The following FAM178B variants were observed in gnomAD, a reference collection of about 807,000 sequenced individuals.
The protein encoded by FAM178B is family with sequence similarity 178 member B, also known as protein FAM178B.
FAM178B carries 82 observed loss-of-function variants against 91.7 expected under a neutral mutation model. The observed-to-expected ratio is 0.89, with a 90% CI of 0.75 to 1.07. The LOEUF (loss-of-function observed/expected upper bound fraction) is 1.07, where lower values mean the gene tolerates loss of function less well. FAM178B is among the 50% of genes least tolerant of loss of function. The pLI, the probability that FAM178B is intolerant of heterozygous loss-of-function variation, is 0.00. For synonymous variants in FAM178B, 368 were observed against 359.4 expected, an observed-to-expected ratio of 1.02 and a Z score of -0.27; for missense variants, 769 against 846.7, an observed-to-expected ratio of 0.91 and a Z score of 1.14.
At chr2:96,891,591 AG>A (rs1303919360) in intron 14 of FAM178B, among the ~76,000 whole-genome samples, 2 of 152,238 alleles carry the variant, frequency 1.3e-5, no homozygotes. Context: ...CTAGCTGGAC[AG>A]GGGGCAAGCA....
At chr2:96,950,712 G>T (rs1258757180) in intron 7 of FAM178B, among the ~76,000 whole-genome samples, 1 of 152,162 alleles carries the variant, frequency 6.6e-6, no homozygotes, top group Non-Finnish European at 1.5e-5. Context: ...CTGTGCAAAG[G>T]TGTCAAGCCC....
At chr2:96,919,230 A>C (rs1044041991) in intron 12 of FAM178B, among the ~76,000 whole-genome samples, 1 of 152,208 alleles carries the variant, frequency 6.6e-6, no homozygotes, top group Non-Finnish European at 1.5e-5. Flanking sequence ...TGAGAAAAAC[A>C]ACCACAAACA....
At chr2:96,903,641 G>C (rs982088978) in intron 12 of FAM178B, among the ~76,000 whole-genome samples, 1 of 152,234 alleles carries the variant, frequency 6.6e-6, no homozygotes, top group Non-Finnish European at 1.5e-5. Context: ...GCCTCCTGGA[G>C]GGAGAATCAG....
chr2:96,881,513 G>A (rs1447281553), intron 14 of FAM178B, among the ~76,000 whole-genome samples: 1 of 151,822 alleles, frequency 6.6e-6, no homozygotes. Flanking sequence ...CAGCTCACTG[G>A]CCTGCTCCAC....
intron 14 of FAM178B, among the ~76,000 whole-genome samples, chr2:96,883,537 G>A (rs1304589862): frequency 6.6e-6 from 1 of 152,238 alleles, no homozygotes; most frequent in Non-Finnish European, 1.5e-5. Flanking sequence ...GCCAGACCGG[G>A]TGGGGAAGGC....
chr2:96,944,460 G>T (rs1472018883), intron 8 of FAM178B, among the ~76,000 whole-genome samples: 2 of 152,178 alleles, frequency 1.3e-5, no homozygotes, highest in African/African-American at 4.8e-5. Flanking sequence ...GGGAAAGTAT[G>T]AGAAGCAGTG....
At chr2:96,953,772 C>T (rs1418594929) in intron 6 of FAM178B, among the ~76,000 whole-genome samples, 3 of 152,316 alleles carry the variant, frequency 2.0e-5, no homozygotes, top group South Asian at 2.1e-4. Flanking sequence ...GGGAGTGCTG[C>T]TTCTCCTTGG....
intron 1 of FAM178B, among the ~76,000 whole-genome samples, chr2:96,979,091 C>T (rs2082328824): frequency 1.3e-5 from 2 of 150,596 alleles, no homozygotes; most frequent in Admixed American, 1.3e-4. Flanking sequence ...ATTCCCCTGC[C>T]TCAGCCTCCT....
intron 8 of FAM178B, among the ~76,000 whole-genome samples, chr2:96,946,176 C>T (rs775978067): frequency 6.6e-6 from 1 of 152,208 alleles, no homozygotes; most frequent in Non-Finnish European, 1.5e-5. Flanking sequence ...GTTCATCCAT[C>T]TTGTAGCATG....
chr2:96,934,518 A>AC (rs149894716), intron 8 of FAM178B, among the ~76,000 whole-genome samples: 2,390 of 152,280 alleles, frequency 0.016, 27 homozygotes, highest in Non-Finnish European at 0.024. Flanking sequence ...CTCAACAACA[A>AC]CAACAAAAAA....
chr2:96,986,528 G>GGCCAGCTCACAGCCGCCGCCGCC lies in FAM178B; in HGVS notation c.-238_-216dup, dbSNP rs1219241655. On this transcript the variant is annotated 5_prime_UTR_variant, in exon 1 of 17. Transcript: ENST00000490605. ...ATTGAGTTCCGACTCCAAACCAAGC[G>GGCCAGCTCACAGCCGCCGCCGCC]GCCAGCTCACAGCCGCCGCCGCCGC... is the stretch of plus-strand genomic sequence containing the variant. 1.7e-6 allele frequency: 1 copy of GGCCAGCTCACAGCCGCCGCCGCC among 591,220 alleles called. No homozygotes were observed. 36.6% of individuals were successfully genotyped at this position (591,220 alleles called of 1,614,324 possible).
chr2:96,977,725 C>T (rs1463368563), intron 1 of FAM178B: 1 of 417,640 alleles, frequency 2.4e-6, no homozygotes, highest in East Asian at 7.3e-5. Context: ...AGGATATTTC[C>T]TCCTTTTTAG....
chr2:96,892,274 C>A (rs2080701010), intron 14 of FAM178B, among the ~76,000 whole-genome samples: 1 of 152,140 alleles, frequency 6.6e-6, no homozygotes. Flanking sequence ...TGGCCTGGGG[C>A]TCCCTCACTC....
rs140730658 is a variant in FAM178B at position 96,878,972 on chromosome 2, C to T, written c.1777-479G>A. Among the ~76,000 whole-genome samples the T allele has an allele frequency of 2.1e-4, 32 of 152,320 alleles. 2 individuals are homozygous for T. The East Asian group carries it at 6.2e-3, about 29-fold the overall frequency. ...ATGGGAGCCGAAGGTTTTGGCTGAG[C>T]GTCTGCACATCTCGCCTCCATCCTC... On this transcript the variant is annotated intron_variant, in intron 14 of 16. Transcript: ENST00000490605.
At chr2:96,966,688 C>A (rs2082148035) in intron 5 of FAM178B, among the ~76,000 whole-genome samples, 1 of 152,100 alleles carries the variant, frequency 6.6e-6, no homozygotes, top group South Asian at 2.1e-4. Context: ...GTGTTGAATC[C>A]TCACCCCCAG....
intron 16 of FAM178B, among the ~76,000 whole-genome samples, chr2:96,876,789 G>C (rs1398459391): frequency 1.3e-5 from 2 of 152,108 alleles, no homozygotes; most frequent in Non-Finnish European, 2.9e-5. Flanking sequence ...GTCCTCACCA[G>C]GTCCTGTGCC....
chr2:96,970,585 C>T, intron 4 of FAM178B, 131 bp downstream of exon 4: 1 of 668,902 alleles, frequency 1.5e-6, no homozygotes, highest in Non-Finnish European at 2.6e-6. Context: ...TGTTACTGAT[C>T]AGAGCACACA....
In FAM178B at chr2:96,981,759, A is replaced by AAAAAG. The variant is rs1362138155; in HGVS notation, c.73+4481_73+4482insCTTTT. The stretch of plus-strand genomic sequence containing the variant: ...CCGTCTCAAAAAAAAAAAAAAAAAA[A>AAAAAG]AAAGAAAGAAAGAAACTGTCCTCTA... On this transcript the variant is annotated intron_variant, in intron 1 of 16. Coordinates refer to ENST00000490605, the MANE Select transcript of FAM178B (RefSeq NM_001122646.3). Among the ~76,000 whole-genome samples the AAAAAG allele has an allele frequency of 1.4e-3, 214 of 149,364 alleles. 2 individuals carry two copies. Among genetic ancestry groups the AAAAAG allele is most frequent in the Admixed American group, 2.2e-3 (32 of 14,880 alleles).
intron 7 of FAM178B, among the ~76,000 whole-genome samples, chr2:96,950,562 A>T (rs1387280370): frequency 6.6e-6 from 1 of 152,088 alleles, no homozygotes; most frequent in African/African-American, 2.4e-5. Context: ...CAGGAATGGG[A>T]CCAGCTGGAA....
Sources: allele counts gnomAD v4.1 joint callset (sites outside exome capture counted in the v4.1 genomes callset), GRCh38; gene constraint gnomAD v4.1.1; transcripts MANE v1.5; gene names NCBI Gene and HGNC (gene_info 2026-07-23, HGNC 2026-07-21).